KCNJ6: variants seen among roughly 807,000 people sequenced by gnomAD.
KCNJ6 encodes the protein potassium inwardly rectifying channel subfamily J member 6.
Under a neutral mutation model 34.2 loss-of-function variants are expected in KCNJ6, and 9 were observed. The ratio of observed to expected loss-of-function variants is 0.26; its 90% confidence interval spans 0.16 to 0.46. KCNJ6 has a LOEUF of 0.46. Among genes scored for constraint, KCNJ6 ranks in the 20% least tolerant of loss-of-function variants. The pLI is 1.00. For missense variants in KCNJ6, 236 were observed against 531.3 expected (o/e 0.44, Z 5.46); for synonymous variants, 196 against 207.1 (o/e 0.95, Z 0.46).
intron 3 of KCNJ6, among the ~76,000 whole-genome samples, chr21:37,629,079 C>T (rs1159101307): frequency 6.6e-6 from 1 of 152,066 alleles, no homozygotes; most frequent in Non-Finnish European, 1.5e-5. Flanking sequence ...TAGATAGTAA[C>T]TCAGATGAGA....
At chr21:37,894,435 C>T (rs751642817) in intron 1 of KCNJ6, among the ~76,000 whole-genome samples, 2 of 152,150 alleles carry the variant, frequency 1.3e-5, no homozygotes, top group African/African-American at 2.4e-5. Flanking sequence ...GAGGCCGAGG[C>T]AGGTGAATCA....
intron 1 of KCNJ6, among the ~76,000 whole-genome samples, chr21:37,842,972 T>A (rs1180341413): frequency 6.6e-6 from 1 of 152,180 alleles, no homozygotes; most frequent in Admixed American, 6.5e-5. Context: ...GTGACTTGAC[T>A]TCCCCATTTT....
intron 2 of KCNJ6, among the ~76,000 whole-genome samples, chr21:37,729,642 C>T (rs920495957): frequency 1.3e-5 from 2 of 152,190 alleles, no homozygotes; most frequent in Non-Finnish European, 2.9e-5. Flanking sequence ...TTCTTTAAAG[C>T]GATTTCAAGA....
At chr21:37,841,939 G>A (rs2055482814) in intron 1 of KCNJ6, among the ~76,000 whole-genome samples, 1 of 152,158 alleles carries the variant, frequency 6.6e-6, no homozygotes, top group African/African-American at 2.4e-5. Context: ...GGTGAGGTAT[G>A]GCTTGGTCAA....
At chr21:37,661,864 G>GT (rs2054491233) in intron 3 of KCNJ6, among the ~76,000 whole-genome samples, 1 of 151,460 alleles carries the variant, frequency 6.6e-6, no homozygotes, top group Non-Finnish European at 1.5e-5. Context: ...TCCTGACCTC[G>GT]TGATCTGCCT....
At chr21:37,674,219 G>C (rs909043777) in intron 3 of KCNJ6, among the ~76,000 whole-genome samples, 1 of 152,170 alleles carries the variant, frequency 6.6e-6, no homozygotes. Flanking sequence ...GTTACTGGCT[G>C]CTATCTGCAC....
At position 37,613,691 on chromosome 21, in the gene KCNJ6, A is replaced by G. The variant is rs910625466; in HGVS notation, c.*11468T>C. The G allele has an allele frequency of 2.6e-5, 4 of 152,244 alleles. No individual in the cohort carries two copies. The highest frequency in any genetic ancestry group is 2.1e-4 in the South Asian group (1 of 4,832). 9.4% of individuals were successfully genotyped at this position (152,244 alleles called of 1,614,324 possible). A position where few individuals can be genotyped will look rare whatever the true frequency, so the allele number is the denominator to read the frequency against. On this transcript the variant is annotated 3_prime_UTR_variant, in exon 4 of 4. Transcript: ENST00000609713. The stretch of plus-strand genomic sequence containing the variant: ...TAAGGCTGCGTACTGCATGAGTCCA[A>G]TTATATGCCATTCTGGAAAAGGCAA...
intron 3 of KCNJ6, among the ~76,000 whole-genome samples, chr21:37,655,217 GT>G (rs747206131): frequency 0.5 from 46,770 of 92,798 alleles, 8,891 homozygotes; most frequent in Admixed American, 0.58. Flanking sequence ...GTGTGTGTGT[GT>G]GTGTGTGAGA....
At chr21:37,810,350 G>A (rs916262075) in intron 2 of KCNJ6, among the ~76,000 whole-genome samples, 6 of 152,150 alleles carry the variant, frequency 3.9e-5, no homozygotes, top group East Asian at 3.8e-4. Context: ...CTTGGAATGA[G>A]CAACCTTGCA....
chr21:37,639,424 G>C (rs1246834369), intron 3 of KCNJ6, among the ~76,000 whole-genome samples: 1 of 152,128 alleles, frequency 6.6e-6, no homozygotes, highest in African/African-American at 2.4e-5. Context: ...GTGTTCAAAA[G>C]TTACCTGAAC....
At position 37,714,962 on chromosome 21, in the gene KCNJ6, A is replaced by C. The variant is rs1220283839; in HGVS notation, c.195T>G (p.Val65=). ...RYVRKDGKCN[V]HHGNVRETYR... is the part of the protein sequence containing the mutation. ...AGGTCTCCCTCACGTTGCCGTGATG[A>C]ACATTGCACTTTCCGTCTTTCCTCA... The change falls in exon 3 of 4, where the codon GTT becomes GTG. Residue 65 remains valine (V), a synonymous_variant. Coordinates refer to ENST00000609713, the MANE Select transcript of KCNJ6 (RefSeq NM_002240.5). The surrounding 1 kb of genome is among the most constrained non-coding windows in gnomAD (Gnocchi z 5.9). 6.2e-7 allele frequency: 1 copy of C among 1,614,106 alleles called. No individual in the cohort carries two copies. Among genetic ancestry groups the C allele is most frequent in the African/African-American group, 1.3e-5 (1 of 74,940 alleles).
chr21:37,852,267 C>T (rs1006771615), intron 1 of KCNJ6, among the ~76,000 whole-genome samples: 2 of 152,302 alleles, frequency 1.3e-5, no homozygotes, highest in East Asian at 3.9e-4. Context: ...TATGGGGAGC[C>T]TGGTCCTCCA....
intron 3 of KCNJ6, among the ~76,000 whole-genome samples, chr21:37,694,849 A>G (rs921374125): frequency 1.3e-5 from 2 of 152,164 alleles, no homozygotes; most frequent in Non-Finnish European, 2.9e-5. Context: ...AAGAGACACA[A>G]AAGAGGGCTC....
intron 1 of KCNJ6, among the ~76,000 whole-genome samples, chr21:37,865,164 G>A (rs982040908): frequency 1.3e-5 from 2 of 152,166 alleles, no homozygotes; most frequent in Non-Finnish European, 2.9e-5. Flanking sequence ...TGTTAGAAAA[G>A]CTGGAGGCCC....
chr21:37,914,043 G>GTGTC (rs1193689740), intron 1 of KCNJ6, among the ~76,000 whole-genome samples: 2 of 151,240 alleles, frequency 1.3e-5, no homozygotes, highest in Non-Finnish European at 2.9e-5. Context: ...GTGTGTGTGT[G>GTGTC]TGTGTGTCTG....
intron 2 of KCNJ6, among the ~76,000 whole-genome samples, chr21:37,790,062 A>G (rs892925817): frequency 6.6e-6 from 1 of 152,202 alleles, no homozygotes; most frequent in African/African-American, 2.4e-5. Flanking sequence ...GTCTAGTCTC[A>G]GCTCTGACCA....
intron 1 of KCNJ6, among the ~76,000 whole-genome samples, chr21:37,913,028 T>G (rs2055874171): frequency 6.6e-6 from 1 of 152,258 alleles, no homozygotes; most frequent in African/African-American, 2.4e-5. Flanking sequence ...GACTGGGCTC[T>G]GCAATTCAAA....
intron 2 of KCNJ6, among the ~76,000 whole-genome samples, chr21:37,746,683 T>C (rs562223669): frequency 6.0e-4 from 92 of 152,324 alleles, no homozygotes; most frequent in Non-Finnish European, 9.0e-4. Flanking sequence ...TGACGTCTCC[T>C]GCGACCTTAA....
chr21:37,775,568 T>C (rs1410628185), intron 2 of KCNJ6, among the ~76,000 whole-genome samples: 2 of 152,248 alleles, frequency 1.3e-5, no homozygotes, highest in Non-Finnish European at 2.9e-5. Flanking sequence ...TTTCTACATA[T>C]GGCTAGCCAG....
Sources: gnomAD v4.1 joint callset for allele counts (sites outside exome capture counted in the v4.1 genomes callset) on GRCh38, gnomAD v4.1.1 for gene constraint, Gnocchi (gnomAD v3.1) non-coding constraint, MANE v1.5 for transcripts, NCBI Gene and HGNC (gene_info 2026-07-23, HGNC 2026-07-21) for gene names.